The following FHIT variants were observed in gnomAD, a reference collection of about 807,000 sequenced individuals.
FHIT encodes fragile histidine triad diadenosine triphosphatase.
Under a neutral mutation model 17.9 loss-of-function variants are expected in FHIT, and 19 were observed. The observed-to-expected ratio is 1.06, with a 90% CI of 0.74 to 1.56. FHIT has a LOEUF of 1.56. Ranked by LOEUF, FHIT falls within the 40% of genes most tolerant of loss-of-function variation. FHIT has a pLI of 0.00. For synonymous variants in FHIT, 81 were observed against 69.7 expected (o/e 1.16, Z -0.81); for missense variants, 248 against 189.2 (o/e 1.31, Z -1.82).
At chr3:60,544,752 A>T (rs995319554) in intron 4 of FHIT, among the ~76,000 whole-genome samples, 11 of 151,792 alleles carry the variant, frequency 7.2e-5, no homozygotes, top group Admixed American at 5.3e-4. Flanking sequence ...ACCCACCACC[A>T]CACTCAGCTA....
At chr3:60,117,195 G>T (rs1436093229) in intron 5 of FHIT, among the ~76,000 whole-genome samples, 2 of 120,244 alleles carry the variant, frequency 1.7e-5, no homozygotes, top group African/African-American at 6.5e-5. Flanking sequence ...AATTCCAGAA[G>T]GGAATGATTA....
intron 3 of FHIT, among the ~76,000 whole-genome samples, chr3:60,828,768 C>T (rs1390464730): frequency 2.6e-5 from 4 of 152,160 alleles, no homozygotes; most frequent in East Asian, 3.9e-4. Flanking sequence ...ATCCCAGCCA[C>T]TTGGGAGACT....
chr3:60,195,546 G>GATATATATATATATATATTTAT (rs1223456537), intron 5 of FHIT, among the ~76,000 whole-genome samples: 1 of 18,888 alleles, frequency 5.3e-5, no homozygotes, highest in African/African-American at 4.3e-4. Flanking sequence ...AGGAAAATGT[G>GATATATATATATATATATTTAT]ATATATATAT....
At chr3:60,930,724 G>A (rs1337300542) in intron 3 of FHIT, among the ~76,000 whole-genome samples, 8 of 152,142 alleles carry the variant, frequency 5.3e-5, no homozygotes, top group African/African-American at 1.9e-4. Flanking sequence ...AACAGGTGCT[G>A]GAGAGGATGT....
At chr3:60,167,475 A>C (rs1052770380) in intron 5 of FHIT, among the ~76,000 whole-genome samples, 23 of 152,188 alleles carry the variant, frequency 1.5e-4, no homozygotes, top group African/African-American at 5.5e-4. Flanking sequence ...AATAGAGGAA[A>C]CTCAGTAAGT....
intron 3 of FHIT, among the ~76,000 whole-genome samples, chr3:60,889,556 T>C (rs9810275): frequency 0.02 from 2,986 of 152,298 alleles, 93 homozygotes; most frequent in African/African-American, 0.067. Flanking sequence ...ACAAACATTC[T>C]TCTAGTTCAT....
intron 5 of FHIT, among the ~76,000 whole-genome samples, chr3:60,096,992 C>G (rs75611353): frequency 0.025 from 3,488 of 142,230 alleles, 92 homozygotes; most frequent in South Asian, 0.11. Context: ...GCCAACCTGG[C>G]CAACACAGTG....
At chr3:61,067,932 C>T (rs2034669017) in intron 2 of FHIT, among the ~76,000 whole-genome samples, 1 of 152,156 alleles carries the variant, frequency 6.6e-6, no homozygotes, top group Non-Finnish European at 1.5e-5. Context: ...TATATTCCTA[C>T]TCAATATTTG....
chr3:60,431,381 A>G (rs73096274), intron 5 of FHIT, among the ~76,000 whole-genome samples: 15,200 of 151,824 alleles, frequency 0.1, 1,245 homozygotes, highest in East Asian at 0.38. Flanking sequence ...GGCTCTCCCA[A>G]CTCAGAACCA....
chr3:60,432,904 C>G (rs1039692695), intron 5 of FHIT, among the ~76,000 whole-genome samples: 9 of 105,980 alleles, frequency 8.5e-5, no homozygotes, highest in Non-Finnish European at 1.4e-4. Context: ...AAAACATTTG[C>G]TAGAAGAATT....
chr3:59,975,234 G>C (rs1185259461), intron 7 of FHIT, among the ~76,000 whole-genome samples: 2 of 152,062 alleles, frequency 1.3e-5, no homozygotes, highest in Admixed American at 6.6e-5. Flanking sequence ...TTAGAAGAAG[G>C]CAACATAAAT....
chr3:60,424,803 C>G (rs917811576), intron 5 of FHIT, among the ~76,000 whole-genome samples: 1 of 152,034 alleles, frequency 6.6e-6, no homozygotes, highest in South Asian at 2.1e-4. Context: ...CTATAAAATC[C>G]AACCCCCATT....
intron 8 of FHIT, among the ~76,000 whole-genome samples, chr3:59,846,454 A>G (rs1232358477): frequency 6.6e-6 from 1 of 152,154 alleles, no homozygotes; most frequent in African/African-American, 2.4e-5. Flanking sequence ...TCCTCAAAAC[A>G]TCAACTAATA....
intron 3 of FHIT, among the ~76,000 whole-genome samples, chr3:61,000,663 G>T (rs1007388848): frequency 6.6e-6 from 1 of 152,176 alleles, no homozygotes; most frequent in Admixed American, 6.5e-5. Flanking sequence ...CTGACTAGGG[G>T]CCTTAGCACT....
At chr3:61,237,330 G>A (rs1199398831) in intron 1 of FHIT, among the ~76,000 whole-genome samples, 5 of 152,120 alleles carry the variant, frequency 3.3e-5, no homozygotes, top group Non-Finnish European at 7.4e-5. Context: ...AATCTTAAGT[G>A]TTTATGAGAA....
chr3:60,727,643 T>G (rs2107978665), intron 4 of FHIT, among the ~76,000 whole-genome samples: 1 of 152,364 alleles, frequency 6.6e-6, no homozygotes, highest in South Asian at 2.1e-4. Flanking sequence ...ATTACTAAAA[T>G]ATTATCCAAA....
chr3:60,091,337 A>G (rs1703721929), intron 5 of FHIT, among the ~76,000 whole-genome samples: 1 of 152,212 alleles, frequency 6.6e-6, no homozygotes, highest in South Asian at 2.1e-4. Context: ...TTTATTGACA[A>G]GAAAGTAAAA....
At chr3:60,203,338 TTCA>T (rs1320889492) in intron 5 of FHIT, among the ~76,000 whole-genome samples, 1 of 152,198 alleles carries the variant, frequency 6.6e-6, no homozygotes, top group African/African-American at 2.4e-5. Flanking sequence ...AATGACACGG[TTCA>T]TCATCAGTGA....
At chr3:60,528,915 A>C (rs920026326) in intron 5 of FHIT, among the ~76,000 whole-genome samples, 52 of 152,292 alleles carry the variant, frequency 3.4e-4, no homozygotes, top group African/African-American at 1.2e-3. Flanking sequence ...GGTCAGTACC[A>C]CCTGTCATAC....
Sources: allele counts gnomAD v4.1 joint callset (sites outside exome capture counted in the v4.1 genomes callset), GRCh38; gene constraint gnomAD v4.1.1; transcripts MANE v1.5; gene names NCBI Gene and HGNC (gene_info 2026-07-23, HGNC 2026-07-21).